MCUB: variants seen among roughly 807,000 people sequenced by gnomAD.
MCUB encodes the protein calcium uniporter regulatory subunit MCUb, mitochondrial.
A neutral mutation model predicts 41.4 loss-of-function variants in MCUB; 46 were observed. The ratio of observed to expected loss-of-function variants is 1.11; its 90% CI spans 0.88 to 1.42. The LOEUF (loss-of-function observed/expected upper bound fraction) is 1.42, where lower values mean the gene tolerates loss of function less well. Ranked by LOEUF, MCUB falls within the 40% of genes most tolerant of loss-of-function variation. MCUB has a pLI of 0.00. For synonymous variants in MCUB, 148 were observed against 148.2 expected (o/e 1.00, Z 0.01); for missense variants, 403 against 404.9 (o/e 1.00, Z 0.04).
At chr4:109,658,424 A>G (rs1729153204) in intron 1 of MCUB, among the ~76,000 whole-genome samples, 1 of 151,934 alleles carries the variant, frequency 6.6e-6, no homozygotes, top group Admixed American at 6.6e-5. Context: ...CAGCCTCGCG[A>G]GTAGCTGGGA....
chr4:109,615,689 A>T (rs1053006798), intron 1 of MCUB, among the ~76,000 whole-genome samples: 1 of 152,240 alleles, frequency 6.6e-6, no homozygotes, highest in East Asian at 1.9e-4. Flanking sequence ...GATTACAGGC[A>T]TGAGCCACCG....
At chr4:109,581,453 A>G (rs1727171976) in intron 1 of MCUB, among the ~76,000 whole-genome samples, 1 of 152,196 alleles carries the variant, frequency 6.6e-6, no homozygotes, top group Non-Finnish European at 1.5e-5. Flanking sequence ...AGGCAATACC[A>G]TTCAGAACAT....
chr4:109,612,263 C>CTTT lies in MCUB; in HGVS notation c.100-46731_100-46729dup, dbSNP rs56813205. On this transcript the variant is annotated intron_variant, in intron 1 of 7. Coordinates refer to ENST00000394650, the MANE Select transcript of MCUB (RefSeq NM_017918.5). ...GGTATTTCTTCCTCCTCCTCCTTTT[C>CTTT]TTTTTTTTTTTTTTTTTTTGAGAGC... Among the ~76,000 whole-genome samples the CTTT allele has an allele frequency of 9.9e-3, 1,141 of 114,770 alleles. 40 individuals carry two copies. The highest frequency in any genetic ancestry group is 0.028 in the African/African-American group (833 of 29,734). The allele number at this position is 114,770 out of a possible 152,430, so 75.3% of individuals were successfully genotyped here.
chr4:109,687,731 T>C lies in MCUB; in HGVS notation c.*139T>C. On this transcript the variant is annotated 3_prime_UTR_variant, in exon 8 of 8. Transcript: ENST00000394650. ...GTAAAACAGAAGTATTGTTTGAAGT[T>C]CTCAACTGAGATTTTTACTTTTTGG... 9.6e-6 allele frequency: 6 copies of C among 622,254 alleles called. No individual in the cohort carries two copies. The highest frequency in any genetic ancestry group is 1.7e-5 in the Non-Finnish European group (6 of 358,422). 38.5% of individuals were successfully genotyped at this position (622,254 alleles called of 1,614,324 possible). A position where few individuals can be genotyped will look rare whatever the true frequency, so the allele number is the denominator to read the frequency against.
chr4:109,674,543 C>T (rs555151971), intron 4 of MCUB, among the ~76,000 whole-genome samples: 5 of 152,314 alleles, frequency 3.3e-5, no homozygotes, highest in African/African-American at 1.2e-4. Flanking sequence ...GTTTTGTGGA[C>T]TGGCTGACTC....
In MCUB at chr4:109,682,837, G is replaced by A; in HGVS notation, c.612+95G>A. 6.4e-6 allele frequency: 6 copies of A among 938,848 alleles called. No individual in the cohort carries two copies. The South Asian group carries it at 1.1e-4, about 16-fold the overall frequency. The allele number at this position is 938,848 out of a possible 1,614,324, so 58.2% of individuals were successfully genotyped here. A position where few individuals can be genotyped will look rare whatever the true frequency, so the allele number is the denominator to read the frequency against. On this transcript the variant is annotated intron_variant, in intron 5 of 7. Transcript: ENST00000394650. Reference sequence around the variant, plus strand: ...GCATTTTTCTGAATGCTTTCCATATGCTAATTTTCTCCTTTACGCCTCACA... The same window carrying A: ...GCATTTTTCTGAATGCTTTCCATATACTAATTTTCTCCTTTACGCCTCACA...
At chr4:109,605,434 T>G (rs1410268838) in intron 1 of MCUB, among the ~76,000 whole-genome samples, 1 of 152,206 alleles carries the variant, frequency 6.6e-6, no homozygotes, top group Admixed American at 6.5e-5. Flanking sequence ...TTAAGACATG[T>G]TTTGTGACCT....
At chr4:109,582,037 C>A (rs1727189496) in intron 1 of MCUB, among the ~76,000 whole-genome samples, 1 of 151,972 alleles carries the variant, frequency 6.6e-6, no homozygotes, top group Admixed American at 6.6e-5. Context: ...GGGTATATAC[C>A]CAAAGGATTA....
chr4:109,608,768 T>C (rs1315414511), intron 1 of MCUB, among the ~76,000 whole-genome samples: 1 of 152,116 alleles, frequency 6.6e-6, no homozygotes, highest in African/African-American at 2.4e-5. Context: ...CCCAAAGTTC[T>C]GGGATTAAAG....
intron 4 of MCUB, among the ~76,000 whole-genome samples, chr4:109,678,365 C>T (rs933600860): frequency 1.1e-4 from 16 of 151,624 alleles, no homozygotes; most frequent in Non-Finnish European, 1.0e-4. Context: ...CCAGGTGGGG[C>T]GGCCGGGCAG....
At chr4:109,631,455 A>C (rs999606686) in intron 1 of MCUB, among the ~76,000 whole-genome samples, 2 of 152,248 alleles carry the variant, frequency 1.3e-5, no homozygotes, top group Admixed American at 1.3e-4. Flanking sequence ...AATAATAGAA[A>C]TTGAGTGCCT....
At chr4:109,654,220 G>T (rs1338983616) in intron 1 of MCUB, among the ~76,000 whole-genome samples, 1 of 151,792 alleles carries the variant, frequency 6.6e-6, no homozygotes, top group African/African-American at 2.4e-5. Context: ...TTTCTGTCTA[G>T]TAATTTTATA....
chr4:109,668,378 T>G (rs896135182), intron 4 of MCUB, among the ~76,000 whole-genome samples: 1 of 152,150 alleles, frequency 6.6e-6, no homozygotes, highest in Non-Finnish European at 1.5e-5. Flanking sequence ...CCTTTTATTA[T>G]TATGTAATGT....
intron 4 of MCUB, among the ~76,000 whole-genome samples, chr4:109,674,925 T>G (rs1370794618): frequency 2.6e-5 from 4 of 152,242 alleles, no homozygotes; most frequent in African/African-American, 9.6e-5. Flanking sequence ...ATAACGGATT[T>G]GATTAATGAC....
intron 1 of MCUB, among the ~76,000 whole-genome samples, chr4:109,648,221 A>G (rs1048372115): frequency 1.4e-5 from 1 of 73,970 alleles, no homozygotes; most frequent in Non-Finnish European, 2.7e-5. Flanking sequence ...AAATGGAAGG[A>G]AAGAGAGAGA....
At chr4:109,592,375 A>G (rs1355808941) in intron 1 of MCUB, among the ~76,000 whole-genome samples, 1 of 151,960 alleles carries the variant, frequency 6.6e-6, no homozygotes, top group African/African-American at 2.4e-5. Context: ...ATGCCACTGC[A>G]TTCCAGCCTG....
At chr4:109,641,077 A>G (rs1728702474) in intron 1 of MCUB, among the ~76,000 whole-genome samples, 1 of 152,018 alleles carries the variant, frequency 6.6e-6, no homozygotes, top group African/African-American at 2.4e-5. Context: ...ATGGGAAGGG[A>G]AAGGTTGGCA....
chr4:109,668,932 G>A (rs1375833793), intron 4 of MCUB, among the ~76,000 whole-genome samples: 1 of 151,866 alleles, frequency 6.6e-6, no homozygotes, highest in Non-Finnish European at 1.5e-5. Context: ...AAATAATCCT[G>A]ATTTCTCCCT....
intron 4 of MCUB, among the ~76,000 whole-genome samples, chr4:109,676,110 A>G (rs1222427882): frequency 6.6e-6 from 1 of 152,194 alleles, no homozygotes; most frequent in Non-Finnish European, 1.5e-5. Context: ...GGAAGAGCAG[A>G]CTAGAAAAAG....
Sources: allele counts gnomAD v4.1 joint callset (sites outside exome capture counted in the v4.1 genomes callset), GRCh38; gene constraint gnomAD v4.1.1; transcripts MANE v1.5; gene names NCBI Gene and HGNC (gene_info 2026-07-23, HGNC 2026-07-21).